The following OTUD7B variants were observed in gnomAD, a reference collection of about 807,000 sequenced individuals.
OTUD7B encodes the protein OTU domain-containing protein 7B.
In OTUD7B, 34 loss-of-function variants were observed where a neutral mutation model predicts 82.2. That is an observed-to-expected ratio of 0.41 (90% CI 0.31 to 0.55). The LOEUF is 0.55. OTUD7B is among the 20% of genes least tolerant of loss of function. OTUD7B has a pLI of 0.20. For synonymous variants in OTUD7B, 398 were observed against 402.7 expected, an observed-to-expected ratio of 0.99 and a Z score of 0.14; for missense variants, 944 against 1,062.1, an observed-to-expected ratio of 0.89 and a Z score of 1.55.
intron 7 of OTUD7B, among the ~76,000 whole-genome samples, chr1:149,954,656 G>A (rs587719495): frequency 1.0e-3 from 158 of 152,192 alleles, no homozygotes; most frequent in Middle Eastern, 3.4e-3. Context: ...GGTAGAATTC[G>A]GCTGTGAATC....
the OTUD7B span, among the ~76,000 whole-genome samples, chr1:150,019,683 T>C: frequency 6.6e-6 from 1 of 152,150 alleles, no homozygotes; most frequent in African/African-American, 2.4e-5. Context: ...AAGGGAAATT[T>C]ATCTACTGCA....
At chr1:149,997,244 A>G (rs1651979877) in intron 1 of OTUD7B, among the ~76,000 whole-genome samples, 1 of 152,244 alleles carries the variant, frequency 6.6e-6, no homozygotes, top group Admixed American at 6.5e-5. Flanking sequence ...AACGAGTCAC[A>G]TCTTAAATAT....
chr1:150,015,302 G>GT (rs1169378604), upstream of OTUD7B, among the ~76,000 whole-genome samples: 2,424 of 79,346 alleles, frequency 0.031, 78 homozygotes, highest in African/African-American at 0.098. Context: ...TTTTTTTTTT[G>GT]TTTTTTTTTG....
intron 1 of OTUD7B, among the ~76,000 whole-genome samples, chr1:150,002,208 C>CTT (rs35291427): frequency 3.2e-4 from 48 of 149,130 alleles, no homozygotes; most frequent in South Asian, 1.7e-3. Context: ...TTTAGATATT[C>CTT]TTTTTTTTTT....
intron 1 of OTUD7B, among the ~76,000 whole-genome samples, chr1:150,000,541 A>G (rs587618079): frequency 6.6e-6 from 1 of 152,118 alleles, no homozygotes; most frequent in Non-Finnish European, 1.5e-5. Flanking sequence ...TGGAGAAAAC[A>G]GGTTTAAAAT....
At chr1:150,026,843 G>T in the OTUD7B span, among the ~76,000 whole-genome samples, 1 of 152,058 alleles carries the variant, frequency 6.6e-6, no homozygotes, top group Non-Finnish European at 1.5e-5. Context: ...CTGCAGATTG[G>T]CCATATAAAC....
rs1651640577 is a variant in OTUD7B, at chr1:149,992,467, G to GGTTT, written c.-66-14892_-66-14891insAAAC. ...TATCTAAATTGTTTTGTGTGCATGT[G>GGTTT]TTTTTTTTTTTTTTTTTTTTTTTTT... On this transcript the variant is annotated intron_variant, in intron 1 of 11. Coordinates refer to ENST00000581312, the MANE Select transcript of OTUD7B (RefSeq NM_020205.4). 3.2e-5 allele frequency among the ~76,000 whole-genome samples: 2 copies of GGTTT among 61,560 alleles called. 1 individual carries two copies. The highest frequency in any genetic ancestry group is 1.3e-4 in the African/African-American group (2 of 14,908). The allele number at this position is 61,560 out of a possible 152,430, so 40.4% of individuals were successfully genotyped here.
At chr1:150,016,562 C>T in the OTUD7B span, among the ~76,000 whole-genome samples, 50 of 151,286 alleles carry the variant, frequency 3.3e-4, no homozygotes, top group South Asian at 4.4e-3. Flanking sequence ...TCAAACTTCT[C>T]CTGCCCCAGC....
chr1:150,046,940 A>G, the OTUD7B span, among the ~76,000 whole-genome samples: 2 of 152,050 alleles, frequency 1.3e-5, no homozygotes, highest in East Asian at 3.9e-4. Flanking sequence ...ACATGGTGGC[A>G]GGTGCCTGTA....
At chr1:149,965,468 G>A (rs987902153) in intron 5 of OTUD7B, among the ~76,000 whole-genome samples, 7 of 152,276 alleles carry the variant, frequency 4.6e-5, no homozygotes, top group African/African-American at 1.7e-4. Flanking sequence ...AAGTAGAATT[G>A]TACACATACA....
chr1:150,063,288 C>T, the OTUD7B span, among the ~76,000 whole-genome samples: 3 of 151,896 alleles, frequency 2.0e-5, no homozygotes, highest in Non-Finnish European at 4.4e-5. Context: ...CCTGCCTGTA[C>T]TAAAAATACA....
At chr1:150,005,478 T>C (rs587621975) in intron 1 of OTUD7B, among the ~76,000 whole-genome samples, 1 of 151,888 alleles carries the variant, frequency 6.6e-6, no homozygotes, top group Non-Finnish European at 1.5e-5. Context: ...AATACTACAA[T>C]CTCCTGACTC....
At chr1:149,947,171 G>C (rs1647819461) in intron 11 of OTUD7B, 80 bp downstream of exon 11, 4 of 808,680 alleles carry the variant, frequency 4.9e-6, no homozygotes, top group Non-Finnish European at 8.5e-6. Flanking sequence ...GATTCAGAAG[G>C]AAACCATCCC....
rs587685362 is a variant in OTUD7B at position 149,971,203 on chromosome 1, C to A, written c.134G>T (p.Arg45Leu). The A allele has an allele frequency of 6.2e-7, 1 of 1,613,104 alleles. No homozygotes were observed. The highest frequency in any genetic ancestry group is 8.5e-7 in the Non-Finnish European group (1 of 1,179,322). Residue 45 changes from arginine to leucine, a missense_variant, in exon 3 of 12, where the codon CGT (arginine) becomes CTT (leucine). By Grantham distance (102) the Arg-to-Leu change is moderately radical. Coordinates refer to ENST00000581312, the MANE Select transcript of OTUD7B (RefSeq NM_020205.4). ...GGGTAGGTTTCCAGCATGGACTTGA[C>A]GTAGCTGTTCAAAATCACTGAGGGC... ...NAALSDFEQLRQVHAGNLPPS... is the reference protein window; with the variant it reads ...NAALSDFEQLLQVHAGNLPPS...
At position 149,967,006 on chromosome 1, in the gene OTUD7B, C is replaced by T. The variant is rs587756634; in HGVS notation, c.502+288G>A. On this transcript the variant is annotated intron_variant, in intron 4 of 11. Coordinates refer to ENST00000581312, the MANE Select transcript of OTUD7B (RefSeq NM_020205.4). ...TTCTGTTCACAAGGGTGTTCCAGGGCCAATTATAATTAGTTGTATTTTTTT... is the reference window on the plus strand; with the variant it reads ...TTCTGTTCACAAGGGTGTTCCAGGGTCAATTATAATTAGTTGTATTTTTTT... 6.6e-5 allele frequency among the ~76,000 whole-genome samples: 10 copies of T among 151,766 alleles called. 1 individual carries two copies. The South Asian group carries it at 2.1e-3, about 31-fold the overall frequency.
At chr1:149,981,867 C>T (rs982384134) in intron 1 of OTUD7B, among the ~76,000 whole-genome samples, 1 of 152,114 alleles carries the variant, frequency 6.6e-6, no homozygotes, top group South Asian at 2.1e-4. Context: ...CACTCTTACT[C>T]GGCCAGGCAC....
chr1:150,037,241 A>G, the OTUD7B span, among the ~76,000 whole-genome samples: 49 of 64,914 alleles, frequency 7.5e-4, no homozygotes, highest in African/African-American at 2.7e-3. Context: ...AGCCGCACAA[A>G]ATACCCTCTT....
chr1:149,979,136 A>G (rs1262572703), intron 1 of OTUD7B, among the ~76,000 whole-genome samples: 1 of 152,092 alleles, frequency 6.6e-6, no homozygotes, highest in Non-Finnish European at 1.5e-5. Context: ...TAACTCCAAC[A>G]TCTAGTGTAG....
rs1249610683 is a variant in OTUD7B at position 149,942,443 on chromosome 1, C to G, written c.*1414G>C. The G allele has an allele frequency of 6.6e-6, 1 of 152,564 alleles. No homozygotes were observed. The highest frequency in any genetic ancestry group is 2.4e-5 in the African/African-American group (1 of 41,410). 9.5% of individuals were successfully genotyped at this position (152,564 alleles called of 1,614,324 possible). On this transcript the variant is annotated 3_prime_UTR_variant, in exon 12 of 12. Coordinates refer to ENST00000581312, the MANE Select transcript of OTUD7B (RefSeq NM_020205.4). ...GCTTTGTGCAAAATGCGAAGGAGCTCCCCCTACTGTGTCCGCATCCCCACT... is the reference window on the plus strand; with the variant it reads ...GCTTTGTGCAAAATGCGAAGGAGCTGCCCCTACTGTGTCCGCATCCCCACT...
Sources: gnomAD v4.1 joint callset for allele counts (sites outside exome capture counted in the v4.1 genomes callset) on GRCh38, gnomAD v4.1.1 for gene constraint, MANE v1.5 for transcripts, NCBI Gene and HGNC (gene_info 2026-07-23, HGNC 2026-07-21) for gene names.